CCDC138: variants seen among roughly 807,000 people sequenced by gnomAD.
CCDC138 encodes coiled-coil domain-containing protein 138.
CCDC138 carries 66 observed loss-of-function variants against 82.3 expected under a neutral mutation model. That is an observed-to-expected ratio of 0.80 (90% CI 0.66 to 0.98). The LOEUF is 0.98. Ranked by LOEUF, CCDC138 falls within the 50% of genes least tolerant of loss-of-function variation. CCDC138 has a pLI of 0.00. For synonymous variants in CCDC138, 297 were observed against 265.4 expected (o/e 1.12, Z -1.16); for missense variants, 816 against 758.9 (o/e 1.08, Z -0.88).
intron 14 of CCDC138, among the ~76,000 whole-genome samples, chr2:108,875,763 A>G (rs1185186333): frequency 1.3e-5 from 2 of 152,086 alleles, no homozygotes; most frequent in Admixed American, 6.6e-5. Context: ...GGAGGCTGAG[A>G]TGGGAGGATT....
Position 108,839,253 on chromosome 2 carries a change from T to G in CCDC138, c.1275T>G (p.Phe425Leu). The G allele has an allele frequency of 1.2e-6, 2 of 1,613,000 alleles. No homozygotes were observed. The highest frequency in any genetic ancestry group is 1.7e-6 in the Non-Finnish European group (2 of 1,179,382). ...TGAATATCAAACTTCACGAGCCTTT[T>G]GTAAAATTTATATATTGGTCCCTAA... ...PFVNIKLHEPFVKFIYWSLRQ... is the reference protein window; with the variant it reads ...PFVNIKLHEPLVKFIYWSLRQ... Residue 425 changes from phenylalanine (F) to leucine (L), a missense_variant, in exon 11 of 15, where the codon TTT (phenylalanine) becomes TTG (leucine). By Grantham distance (22) the Phe-to-Leu change is conservative (BLOSUM62 0). Coordinates refer to ENST00000295124, the MANE Select transcript of CCDC138 (RefSeq NM_144978.3).
chr2:108,793,043 G>A (rs1680178596), intron 4 of CCDC138, among the ~76,000 whole-genome samples: 1 of 147,982 alleles, frequency 6.8e-6, no homozygotes, highest in African/African-American at 2.5e-5. Context: ...CAGTCTGGGC[G>A]ACAGAGAGAC....
chr2:108,828,551 A>G (rs1002446097), intron 10 of CCDC138, among the ~76,000 whole-genome samples: 2 of 152,232 alleles, frequency 1.3e-5, no homozygotes, highest in Admixed American at 1.3e-4. Context: ...GCCCTCACAT[A>G]TAGTCCAATG....
chr2:108,872,661 G>T (rs1156934203), intron 13 of CCDC138, among the ~76,000 whole-genome samples: 2 of 152,118 alleles, frequency 1.3e-5, no homozygotes, highest in Non-Finnish European at 2.9e-5. Flanking sequence ...GAGGACAAGA[G>T]GGCAAGAGAG....
chr2:108,793,753 C>T (rs1011210050), intron 4 of CCDC138, among the ~76,000 whole-genome samples: 8 of 152,002 alleles, frequency 5.3e-5, no homozygotes, highest in African/African-American at 1.9e-4. Flanking sequence ...CCCGCCATCA[C>T]GCCCGGCTAA....
At chr2:108,789,089 A>T in intron 3 of CCDC138, 123 bp downstream of exon 3, 1 of 827,046 alleles carries the variant, frequency 1.2e-6, no homozygotes. Flanking sequence ...AGTATAAGGC[A>T]GTCTGGAGCC....
At chr2:108,858,003 A>C (rs1336125977) in intron 13 of CCDC138, among the ~76,000 whole-genome samples, 2 of 152,222 alleles carry the variant, frequency 1.3e-5, no homozygotes, top group African/African-American at 4.8e-5. Flanking sequence ...AGTCTATTAG[A>C]GGAGATAGTC....
At chr2:108,803,084 C>G (rs1274241206) in intron 6 of CCDC138, among the ~76,000 whole-genome samples, 1 of 152,194 alleles carries the variant, frequency 6.6e-6, no homozygotes, top group African/African-American at 2.4e-5. Flanking sequence ...AATCCTAATG[C>G]ATTTCTCAAA....
intron 13 of CCDC138, among the ~76,000 whole-genome samples, chr2:108,864,579 C>G (rs1404746443): frequency 4.6e-5 from 7 of 151,956 alleles, no homozygotes; most frequent in African/African-American, 1.7e-4. Flanking sequence ...GGGCAGATCA[C>G]GAGGTTAGGA....
At chr2:108,826,511 A>G (rs766880056) in intron 10 of CCDC138, among the ~76,000 whole-genome samples, 20 of 152,180 alleles carry the variant, frequency 1.3e-4, no homozygotes, top group Middle Eastern at 3.4e-3. Context: ...TGAAAAATCT[A>G]TTCCTTCCCT....
At chr2:108,878,256 G>T (rs1480991134), downstream of CCDC138, 1 of 155,806 alleles carries the variant, frequency 6.4e-6, no homozygotes, top group Admixed American at 6.4e-5. Flanking sequence ...CAGCCCCCTC[G>T]CTCTTCCTTC....
At chr2:108,837,925 T>A (rs1688838358) in intron 10 of CCDC138, among the ~76,000 whole-genome samples, 1 of 139,108 alleles carries the variant, frequency 7.2e-6, no homozygotes, top group South Asian at 2.2e-4. Flanking sequence ...ATTTTTTCGA[T>A]TTTTTTTTTT....
intron 7 of CCDC138, 31 bp from the exon 8 acceptor site, chr2:108,812,600 A>G (rs754193824): frequency 1.9e-6 from 3 of 1,540,000 alleles, no homozygotes; most frequent in Non-Finnish European, 2.7e-6. Context: ...GAAGGTGTAT[A>G]TTGAAATATC....
At position 108,798,506 on chromosome 2, in the gene CCDC138, C is replaced by T. The variant is rs1181175259; in HGVS notation, c.655C>T (p.Leu219Phe). 1 of 1,613,838 alleles carries T rather than the reference C, an allele frequency of 6.2e-7. No individual in the cohort carries two copies. The highest frequency in any genetic ancestry group is 1.7e-5 in the Admixed American group (1 of 59,970). Residue 219 changes from leucine (L) to phenylalanine (F), a missense_variant, in exon 6 of 15, where the codon CTT becomes TTT. Coordinates refer to ENST00000295124, the MANE Select transcript of CCDC138 (RefSeq NM_144978.3). The stretch of plus-strand genomic sequence containing the variant: ...TTTTTTACTTGAAAGAGAACAACTG[C>T]TTTTCAGACATGAAAATGCCTTGAG... ...ERFLLEREQLLFRHENALSKI... is the reference protein window; with the variant it reads ...ERFLLEREQLFFRHENALSKI...
At chr2:108,842,628 G>A (rs1175074883) in intron 11 of CCDC138, among the ~76,000 whole-genome samples, 1 of 152,144 alleles carries the variant, frequency 6.6e-6, no homozygotes, top group East Asian at 1.9e-4. Flanking sequence ...AGTTGTGCGG[G>A]CTTCATCTAG....
At chr2:108,859,999 C>T (rs1019761778) in intron 13 of CCDC138, among the ~76,000 whole-genome samples, 2 of 151,966 alleles carry the variant, frequency 1.3e-5, no homozygotes, top group Non-Finnish European at 2.9e-5. Flanking sequence ...TTATAGTTCT[C>T]CTTGTAGAGA....
rs182230777 is a variant in CCDC138, at chr2:108,840,309, C to T, written c.1323+1008C>T. ...AGAAATATTTGTCTATAGTTTTGAA[C>T]TCTCTTTGGTTTTGTATCAGGGCAA... On this transcript the variant is annotated intron_variant, in intron 11 of 14. Transcript: ENST00000295124. 2.0e-5 allele frequency among the ~76,000 whole-genome samples: 3 copies of T among 151,916 alleles called. No individual in the cohort carries two copies. The East Asian group carries it at 5.8e-4, about 29-fold the overall frequency.
chr2:108,817,838 T>TTAAGTTTG (rs1462007635), intron 10 of CCDC138, among the ~76,000 whole-genome samples: 1 of 152,210 alleles, frequency 6.6e-6, no homozygotes, highest in Admixed American at 6.5e-5. Flanking sequence ...TGTTTAAATG[T>TTAAGTTTG]TAAGTTTGTG....
At chr2:108,803,186 C>T (rs1397642422) in intron 6 of CCDC138, among the ~76,000 whole-genome samples, 1 of 152,202 alleles carries the variant, frequency 6.6e-6, no homozygotes, top group East Asian at 1.9e-4. Flanking sequence ...AAACTGAGCT[C>T]CATTCTCCAA....
Sources: gnomAD v4.1 joint callset for allele counts (sites outside exome capture counted in the v4.1 genomes callset) on GRCh38, gnomAD v4.1.1 for gene constraint, MANE v1.5 for transcripts, NCBI Gene and HGNC (gene_info 2026-07-23, HGNC 2026-07-21) for gene names.